The following IKZF1 variants were observed in gnomAD, a reference collection of about 807,000 sequenced individuals.
IKZF1 encodes DNA-binding protein Ikaros.
IKZF1 carries 10 observed loss-of-function variants against 51.7 expected under a neutral mutation model. That is an observed-to-expected ratio of 0.19 (90% CI 0.12 to 0.33). The LOEUF (loss-of-function observed/expected upper bound fraction) is 0.33, where lower values mean the gene tolerates loss of function less well. Among genes scored for constraint, IKZF1 ranks in the 10% least tolerant of loss-of-function variants. IKZF1 has a pLI of 1.00. For missense variants in IKZF1, 484 were observed against 707.5 expected (o/e 0.68, Z 3.58); for synonymous variants, 280 against 282.3 (o/e 0.99, Z 0.08).
chr7:50,351,070 A>G (rs1787804692), intron 3 of IKZF1, among the ~76,000 whole-genome samples: 1 of 152,230 alleles, frequency 6.6e-6, no homozygotes, highest in Admixed American at 6.5e-5. Flanking sequence ...AAATAGTGGA[A>G]GCCAATTAAC....
chr7:50,399,703 G>A (rs1192278835), intron 7 of IKZF1, among the ~76,000 whole-genome samples: 1 of 152,174 alleles, frequency 6.6e-6, no homozygotes, highest in Non-Finnish European at 1.5e-5. Flanking sequence ...CCCCTAGACA[G>A]ACGCATGGGC....
chr7:50,325,246 C>T (rs1199215190), intron 2 of IKZF1, among the ~76,000 whole-genome samples: 1 of 149,600 alleles, frequency 6.7e-6, no homozygotes, highest in Non-Finnish European at 1.5e-5. Flanking sequence ...TATTCTTACC[C>T]CCACACCCAC....
chr7:50,369,559 C>A (rs1327180025), intron 3 of IKZF1: 1 of 398,536 alleles, frequency 2.5e-6, no homozygotes, highest in African/African-American at 2.1e-5. Flanking sequence ...CAAGCGGCTA[C>A]TTGGTCTTGA....
chr7:50,389,352 A>G (rs1302441343), intron 6 of IKZF1, among the ~76,000 whole-genome samples: 1 of 152,114 alleles, frequency 6.6e-6, no homozygotes, highest in African/African-American at 2.4e-5. Flanking sequence ...ATTGGTCTCT[A>G]TGTCAGTAAG....
intron 6 of IKZF1, among the ~76,000 whole-genome samples, chr7:50,388,753 G>A (rs958149729): frequency 6.6e-6 from 1 of 152,226 alleles, no homozygotes; most frequent in Admixed American, 6.5e-5. Flanking sequence ...ACTAATGGAC[G>A]AGAGGATGAT....
At chr7:50,373,788 C>T (rs1345615147) in intron 3 of IKZF1, among the ~76,000 whole-genome samples, 2 of 152,198 alleles carry the variant, frequency 1.3e-5, no homozygotes, top group Non-Finnish European at 2.9e-5. Flanking sequence ...AGATGCACAG[C>T]CTCTACCTGA....
chr7:50,327,438 A>G (rs949641479), intron 2 of IKZF1, 200 bp from the exon 3 acceptor site: 1 of 473,606 alleles, frequency 2.1e-6, no homozygotes, highest in Non-Finnish European at 3.6e-6. Flanking sequence ...CCTTTTGCAC[A>G]TCTATGTTCT....
At chr7:50,311,330 C>T (rs116505933) in intron 1 of IKZF1, among the ~76,000 whole-genome samples, 1 of 152,188 alleles carries the variant, frequency 6.6e-6, no homozygotes, top group Non-Finnish European at 1.5e-5. Flanking sequence ...TGTGTTTACT[C>T]TAGAACACAT....
chr7:50,309,527 C>T (rs1228982881), intron 1 of IKZF1, among the ~76,000 whole-genome samples: 2 of 152,122 alleles, frequency 1.3e-5, no homozygotes, highest in African/African-American at 4.8e-5. Flanking sequence ...ACACTAAGAA[C>T]TGTGTAAAGT....
intron 3 of IKZF1, among the ~76,000 whole-genome samples, chr7:50,362,626 G>C: frequency 6.6e-6 from 1 of 152,230 alleles, no homozygotes; most frequent in South Asian, 2.1e-4. Flanking sequence ...TTTTCCATAA[G>C]GTTCACCCTT....
chr7:50,370,262 A>G (rs987601867), intron 3 of IKZF1, among the ~76,000 whole-genome samples: 4 of 152,254 alleles, frequency 2.6e-5, no homozygotes, highest in African/African-American at 9.6e-5. Context: ...TTCAGTAAAT[A>G]TGAAGACACA....
At chr7:50,368,132 C>A in intron 3 of IKZF1, 1 of 703,418 alleles carries the variant, frequency 1.4e-6, no homozygotes, top group Non-Finnish European at 2.6e-6. Flanking sequence ...AAATATCGTA[C>A]GTGCATGTTC....
At chr7:50,355,618 C>CAAATAAAT (rs1562811093) in intron 3 of IKZF1, among the ~76,000 whole-genome samples, 8 of 52,616 alleles carry the variant, frequency 1.5e-4, no homozygotes, top group South Asian at 4.4e-4. Flanking sequence ...TGTTAGCTTG[C>CAAATAAAT]GAATAAATAA....
chr7:50,321,516 G>A (rs907608209), intron 2 of IKZF1, among the ~76,000 whole-genome samples: 1 of 152,166 alleles, frequency 6.6e-6, no homozygotes, highest in Non-Finnish European at 1.5e-5. Flanking sequence ...ATTTCCAGAG[G>A]CCAAAAAGAT....
intron 1 of IKZF1, among the ~76,000 whole-genome samples, chr7:50,306,638 T>A (rs962020554): frequency 2.7e-4 from 41 of 152,358 alleles, no homozygotes; most frequent in African/African-American, 9.6e-4. Context: ...AAAGAGAAGA[T>A]CAGCTGTGGC....
chr7:50,359,154 G>C (rs1275990603), intron 3 of IKZF1, among the ~76,000 whole-genome samples: 1 of 152,126 alleles, frequency 6.6e-6, no homozygotes, highest in Non-Finnish European at 1.5e-5. Context: ...CCAGGCACTC[G>C]GGAGGCTGAG....
chr7:50,373,762 T>G (rs1466874619), intron 3 of IKZF1, among the ~76,000 whole-genome samples: 1 of 152,142 alleles, frequency 6.6e-6, no homozygotes, highest in East Asian at 1.9e-4. Flanking sequence ...CCTAGAGAAT[T>G]AGCTTTCTCC....
chr7:50,359,120 G>T (rs1314227751), intron 3 of IKZF1, among the ~76,000 whole-genome samples: 1 of 152,092 alleles, frequency 6.6e-6, no homozygotes, highest in South Asian at 2.1e-4. Flanking sequence ...AATTAGCTGG[G>T]CATGGTGGCA....
intron 3 of IKZF1, among the ~76,000 whole-genome samples, chr7:50,356,337 G>C (rs1236561293): frequency 6.6e-6 from 1 of 152,214 alleles, no homozygotes; most frequent in African/African-American, 2.4e-5. Flanking sequence ...AGCGCACTTG[G>C]ATGATCTCTC....
Sources: gnomAD v4.1 joint callset for allele counts (sites outside exome capture counted in the v4.1 genomes callset) on GRCh38, gnomAD v4.1.1 for gene constraint, MANE v1.5 for transcripts, NCBI Gene and HGNC (gene_info 2026-07-23, HGNC 2026-07-21) for gene names.